The following TM9SF3 variants were observed in gnomAD, a reference collection of about 807,000 sequenced individuals.
TM9SF3 encodes the protein SM-11044-binding protein.
Under a neutral mutation model 78.6 loss-of-function variants are expected in TM9SF3, and 14 were observed. The observed-to-expected ratio is 0.18, with a 90% CI of 0.12 to 0.28. The LOEUF is 0.28. Among genes scored for constraint, TM9SF3 ranks in the 10% least tolerant of loss-of-function variants. The pLI is 1.00. For synonymous variants in TM9SF3, 231 were observed against 241.7 expected (o/e 0.96, Z 0.41); for missense variants, 496 against 721.9 (o/e 0.69, Z 3.59).
At chr10:96,572,432 G>A (rs1384443262) in intron 2 of TM9SF3, among the ~76,000 whole-genome samples, 1 of 151,770 alleles carries the variant, frequency 6.6e-6, no homozygotes, top group Non-Finnish European at 1.5e-5. Context: ...GGCAAGGTTC[G>A]AAGAGGTACC....
chr10:96,577,240 T>TAAA (rs60557473), intron 1 of TM9SF3, among the ~76,000 whole-genome samples: 6 of 143,684 alleles, frequency 4.2e-5, no homozygotes, highest in African/African-American at 2.5e-5. Context: ...GTTAATCAAT[T>TAAA]AAAAAAAAAA....
At chr10:96,583,317 T>C (rs765045376) in intron 1 of TM9SF3, among the ~76,000 whole-genome samples, 1 of 152,150 alleles carries the variant, frequency 6.6e-6, no homozygotes, top group African/African-American at 2.4e-5. Flanking sequence ...TGTTACAGGA[T>C]AGCATGAAAA....
At chr10:96,541,024 G>A (rs568891342) in intron 9 of TM9SF3, among the ~76,000 whole-genome samples, 4 of 151,544 alleles carry the variant, frequency 2.6e-5, no homozygotes, top group East Asian at 2.0e-4. Flanking sequence ...TCAGCCTCCC[G>A]AAGTGCTGGG....
intron 1 of TM9SF3, among the ~76,000 whole-genome samples, chr10:96,581,924 G>A (rs139852544): frequency 6.6e-6 from 1 of 152,230 alleles, no homozygotes; most frequent in African/African-American, 2.4e-5. Context: ...TTTTAGCCTA[G>A]GTAGGACCCC....
intron 3 of TM9SF3, among the ~76,000 whole-genome samples, chr10:96,564,915 T>A (rs1848352129): frequency 6.6e-6 from 1 of 152,024 alleles, no homozygotes; most frequent in Admixed American, 6.6e-5. Flanking sequence ...GAAACCATAC[T>A]ACCACAGTAC....
At chr10:96,556,688 A>G (rs1848237884) in intron 5 of TM9SF3, among the ~76,000 whole-genome samples, 1 of 151,604 alleles carries the variant, frequency 6.6e-6, no homozygotes, top group Non-Finnish European at 1.5e-5. Context: ...TCCTAATTCC[A>G]TTTTCCACAC....
At position 96,586,851 on chromosome 10, in the gene TM9SF3, G is replaced by A. The variant is rs1411397584; in HGVS notation, c.-16C>T. On this transcript the variant is annotated 5_prime_UTR_variant, in exon 1 of 15. Coordinates refer to ENST00000371142, the MANE Select transcript of TM9SF3 (RefSeq NM_020123.4). Reference sequence around the variant, plus strand: ...GCGGCCTCATCCTCCGCGCCCCTCCGGCCCGGAGCCGGCTCACCGACTCCT... The same window carrying A: ...GCGGCCTCATCCTCCGCGCCCCTCCAGCCCGGAGCCGGCTCACCGACTCCT... 4 of 1,204,702 alleles carry A rather than the reference G, an allele frequency of 3.3e-6. No individual in the cohort carries two copies. In the African/African-American group the frequency reaches 6.4e-5, roughly 19 times the overall value. The allele number at this position is 1,204,702 out of a possible 1,614,324, so 74.6% of individuals were successfully genotyped here. A position where few individuals can be genotyped will look rare whatever the true frequency, so the allele number is the denominator to read the frequency against.
At chr10:96,567,633 T>C (rs576641799) in intron 2 of TM9SF3, among the ~76,000 whole-genome samples, 3 of 152,170 alleles carry the variant, frequency 2.0e-5, no homozygotes, top group Admixed American at 6.5e-5. Context: ...CCACACTTCT[T>C]ATACCCACTC....
intron 14 of TM9SF3, among the ~76,000 whole-genome samples, chr10:96,525,201 A>C (rs1847824145): frequency 6.6e-6 from 1 of 152,002 alleles, no homozygotes; most frequent in Non-Finnish European, 1.5e-5. Flanking sequence ...TCCAGTGAAC[A>C]ATACTCTGAA....
At chr10:96,583,800 G>A (rs1286050982) in intron 1 of TM9SF3, among the ~76,000 whole-genome samples, 6 of 152,014 alleles carry the variant, frequency 3.9e-5, no homozygotes, top group Non-Finnish European at 8.8e-5. Context: ...TTGGGAGGCC[G>A]AGGCAGGCAG....
At chr10:96,556,784 TTC>T (rs1848238890) in intron 5 of TM9SF3, among the ~76,000 whole-genome samples, 2 of 152,124 alleles carry the variant, frequency 1.3e-5, no homozygotes. Flanking sequence ...TCTTTTCCCA[TTC>T]TCTCTTACAG....
chr10:96,571,201 GA>G (rs1237882089), intron 2 of TM9SF3, among the ~76,000 whole-genome samples: 1 of 152,160 alleles, frequency 6.6e-6, no homozygotes, highest in East Asian at 1.9e-4. Context: ...AGGCACTACA[GA>G]CCTCAAAAGC....
chr10:96,560,922 T>G (rs773491441), intron 4 of TM9SF3: 52 of 514,170 alleles, frequency 1.0e-4, no homozygotes, highest in Non-Finnish European at 1.9e-4. Flanking sequence ...AAAAAGTGCA[T>G]TGAACAGTTC....
intron 8 of TM9SF3, among the ~76,000 whole-genome samples, chr10:96,545,771 C>T (rs1848089905): frequency 6.6e-6 from 1 of 152,150 alleles, no homozygotes; most frequent in South Asian, 2.1e-4. Flanking sequence ...CGCCTGTAAT[C>T]CTAGCTATTG....
intron 6 of TM9SF3, 61 bp from the exon 7 acceptor site, chr10:96,551,472 T>C (rs1032250527): frequency 2.4e-6 from 3 of 1,250,950 alleles, no homozygotes; most frequent in African/African-American, 3.1e-5. Flanking sequence ...AACTAAAACA[T>C]AGTATGTAAA....
At position 96,533,278 on chromosome 10, in the gene TM9SF3, GACC is replaced by G. The variant is rs368077941; in HGVS notation, c.1186-91_1186-89del. 74 of 1,446,020 alleles carry G rather than the reference GACC, an allele frequency of 5.1e-5. No individual in the cohort carries two copies. In the African/African-American group the frequency reaches 8.8e-4, roughly 17 times the overall value. 89.6% of individuals were successfully genotyped at this position (1,446,020 alleles called of 1,614,324 possible). A position where few individuals can be genotyped will look rare whatever the true frequency, so the allele number is the denominator to read the frequency against. On this transcript the variant is annotated intron_variant, in intron 9 of 14. Transcript: ENST00000371142. The stretch of plus-strand genomic sequence containing the variant: ...AAGAGACACAATTTAAACACAATTT[GACC>G]ACAAAAGAAAATGTTTAAGTTCAAT...
At chr10:96,531,515 A>C (rs952522343) in intron 10 of TM9SF3, among the ~76,000 whole-genome samples, 1 of 152,204 alleles carries the variant, frequency 6.6e-6, no homozygotes, top group African/African-American at 2.4e-5. Flanking sequence ...TGAAATTAAC[A>C]AACTAAAAAA....
In TM9SF3 at chr10:96,530,620, T is replaced by G. The variant is rs1395902260; in HGVS notation, c.1326-12A>C. ...CAGGCTCCATGAACCTGGAAAATATTAAAATTAATAGTAAACTTCTAGTAT... is the reference window on the plus strand; with the variant it reads ...CAGGCTCCATGAACCTGGAAAATATGAAAATTAATAGTAAACTTCTAGTAT... On this transcript the variant is annotated splice_polypyrimidine_tract_variant and intron_variant, in intron 10 of 14. Coordinates refer to ENST00000371142, the MANE Select transcript of TM9SF3 (RefSeq NM_020123.4). 6 of 1,601,746 alleles carry G rather than the reference T, an allele frequency of 3.7e-6. No homozygotes were observed. The highest frequency in any genetic ancestry group is 5.1e-6 in the Non-Finnish European group (6 of 1,173,858).
intron 10 of TM9SF3, among the ~76,000 whole-genome samples, chr10:96,531,216 G>A (rs537264028): frequency 1.3e-5 from 2 of 152,126 alleles, no homozygotes; most frequent in South Asian, 2.1e-4. Flanking sequence ...CTCTTGTCTC[G>A]TATTTCTCTC....
Sources: allele counts gnomAD v4.1 joint callset (sites outside exome capture counted in the v4.1 genomes callset), GRCh38; gene constraint gnomAD v4.1.1; transcripts MANE v1.5; gene names NCBI Gene and HGNC (gene_info 2026-07-23, HGNC 2026-07-21).